Variants in EBF2 observed in about 807,000 individuals in gnomAD.
EBF2 encodes EBF transcription factor 2, also known as transcription factor COE2.
Under a neutral mutation model 72.8 loss-of-function variants are expected in EBF2, and 21 were observed. The observed-to-expected ratio is 0.29, with a 90% CI of 0.20 to 0.42. The LOEUF (loss-of-function observed/expected upper bound fraction) is 0.42, where lower values mean the gene tolerates loss of function less well. Among genes scored for constraint, EBF2 ranks in the 10% least tolerant of loss-of-function variants. The pLI, the probability that EBF2 is intolerant of heterozygous loss-of-function variation, is 1.00. For missense variants in EBF2, 637 were observed against 731.2 expected, an observed-to-expected ratio of 0.87 and a Z score of 1.49; for synonymous variants, 299 against 274.2, an observed-to-expected ratio of 1.09 and a Z score of -0.89.
chr8:25,866,601 TATA>T lies in EBF2; in HGVS notation c.1010-3807_1010-3805del, dbSNP rs1248379709. On this transcript the variant is annotated intron_variant, in intron 10 of 15. Coordinates refer to ENST00000520164, the MANE Select transcript of EBF2 (RefSeq NM_022659.4). ...ATATAATAATTTTTATATAATATAA[TATA>T]ATGTTTATATTATATTATATATATA... is the stretch of plus-strand genomic sequence containing the variant. Among the ~76,000 whole-genome samples, 26 of 141,460 alleles carry T rather than the reference TATA, an allele frequency of 1.8e-4. 1 individual carries two copies. The highest frequency in any genetic ancestry group is 1.3e-3 in the Admixed American group (18 of 13,538). 92.8% of individuals were successfully genotyped at this position (141,460 alleles called of 152,430 possible). A position where few individuals can be genotyped will look rare whatever the true frequency, so the allele number is the denominator to read the frequency against.
chr8:25,965,160 A>G (rs1049297565), intron 6 of EBF2, among the ~76,000 whole-genome samples: 1 of 152,182 alleles, frequency 6.6e-6, no homozygotes, highest in Non-Finnish European at 1.5e-5. Context: ...TAACCTTACT[A>G]TATTTTCATG....
At chr8:26,039,954 G>T in intron 5 of EBF2, 74 bp downstream of exon 5, 1 of 1,536,662 alleles carries the variant, frequency 6.5e-7, no homozygotes, top group South Asian at 1.1e-5. Flanking sequence ...TTAGTCCCGG[G>T]AACGCGGCGC....
intron 6 of EBF2, among the ~76,000 whole-genome samples, chr8:26,007,400 T>C (rs561632441): frequency 6.6e-6 from 1 of 152,306 alleles, no homozygotes; most frequent in East Asian, 1.9e-4. Flanking sequence ...GAGATGCAAT[T>C]TGTTTCATCA....
intron 6 of EBF2, among the ~76,000 whole-genome samples, chr8:25,935,866 G>A (rs896077840): frequency 1.9e-4 from 29 of 152,198 alleles, no homozygotes; most frequent in African/African-American, 6.8e-4. Context: ...CCTTAAAGAG[G>A]CACTAACCCT....
At chr8:25,927,079 C>A (rs1309314399) in intron 6 of EBF2, among the ~76,000 whole-genome samples, 1 of 152,084 alleles carries the variant, frequency 6.6e-6, no homozygotes. Context: ...AACTGGTTGA[C>A]TCTAAGTAGA....
At chr8:25,925,655 A>C (rs1012298954) in intron 6 of EBF2, among the ~76,000 whole-genome samples, 1 of 152,064 alleles carries the variant, frequency 6.6e-6, no homozygotes, top group African/African-American at 2.4e-5. Flanking sequence ...GGAACACAGA[A>C]TCACTCTTTG....
At chr8:26,032,234 C>A (rs1177895985) in intron 6 of EBF2, 1 of 152,174 alleles carries the variant, frequency 6.6e-6, no homozygotes, top group Non-Finnish European at 1.5e-5. Context: ...ACCAAGCTGG[C>A]TTTCTGGGAA....
At chr8:25,867,976 A>C (rs911231606) in intron 10 of EBF2, among the ~76,000 whole-genome samples, 2 of 152,228 alleles carry the variant, frequency 1.3e-5, no homozygotes, top group Non-Finnish European at 2.9e-5. Context: ...ACCGATCTAG[A>C]GTTCCCCTCC....
chr8:25,951,987 G>A, intron 6 of EBF2, among the ~76,000 whole-genome samples: 1 of 151,980 alleles, frequency 6.6e-6, no homozygotes, highest in East Asian at 1.9e-4. Flanking sequence ...GTTCAAAGGG[G>A]ACTCTGTTAA....
intron 14 of EBF2, among the ~76,000 whole-genome samples, chr8:25,853,443 C>G (rs1585258456): frequency 6.6e-6 from 1 of 151,966 alleles, no homozygotes; most frequent in Admixed American, 6.6e-5. Context: ...CAAACTGATT[C>G]ATAATAAAAT....
chr8:25,880,643 G>A (rs1173617590), intron 10 of EBF2, among the ~76,000 whole-genome samples: 1 of 151,958 alleles, frequency 6.6e-6, no homozygotes, highest in Non-Finnish European at 1.5e-5. Flanking sequence ...TTTAATTATT[G>A]AAACTTAAAA....
chr8:25,989,856 G>A (rs1466251044), intron 6 of EBF2, among the ~76,000 whole-genome samples: 4 of 152,112 alleles, frequency 2.6e-5, no homozygotes, highest in Non-Finnish European at 1.5e-5. Flanking sequence ...CAGCAGCAAG[G>A]CAGCCTCACC....
At chr8:25,942,165 G>A (rs1803685906) in intron 6 of EBF2, among the ~76,000 whole-genome samples, 1 of 152,178 alleles carries the variant, frequency 6.6e-6, no homozygotes, top group African/African-American at 2.4e-5. Flanking sequence ...AGCCCCATCT[G>A]GGAACATGCA....
At chr8:25,879,164 C>T (rs1716905394) in intron 10 of EBF2, among the ~76,000 whole-genome samples, 1 of 152,136 alleles carries the variant, frequency 6.6e-6, no homozygotes, top group Admixed American at 6.5e-5. Flanking sequence ...TATATCTAAA[C>T]ATTGGGTCAT....
At chr8:26,034,987 G>A (rs1313702148) in intron 5 of EBF2, among the ~76,000 whole-genome samples, 1 of 152,156 alleles carries the variant, frequency 6.6e-6, no homozygotes, top group East Asian at 1.9e-4. Context: ...TAAAGTGAAA[G>A]TGTTGGATTT....
Position 25,952,829 on chromosome 8 carries a change from G to C in EBF2, c.552-44274C>G, listed in dbSNP as rs115954031. 4.0e-3 allele frequency among the ~76,000 whole-genome samples: 606 copies of C among 152,174 alleles called. 3 individuals carry two copies. The highest frequency in any genetic ancestry group is 0.014 in the African/African-American group (567 of 41,520). On this transcript the variant is annotated intron_variant, in intron 6 of 15. Coordinates refer to ENST00000520164, the MANE Select transcript of EBF2 (RefSeq NM_022659.4). ...TGTACATATCAAATAACATAGCTTT[G>C]AACTATAGAATGAGGCTTTGGGGTT... is the stretch of plus-strand genomic sequence containing the variant.
chr8:26,041,480 G>A, intron 2 of EBF2: 1 of 179,244 alleles, frequency 5.6e-6, no homozygotes, highest in Admixed American at 5.4e-5. Flanking sequence ...GAGGGACTTT[G>A]GGAAGTGCCT....
chr8:26,023,363 A>T (rs560400598), intron 6 of EBF2, among the ~76,000 whole-genome samples: 42 of 152,290 alleles, frequency 2.8e-4, no homozygotes, highest in African/African-American at 9.9e-4. Context: ...TCCTTGACCC[A>T]TCCACTTCCT....
intron 6 of EBF2, chr8:26,032,171 T>C (rs539145007): frequency 2.6e-5 from 4 of 152,262 alleles, no homozygotes; most frequent in South Asian, 2.1e-4. Flanking sequence ...TAGGACAAGA[T>C]CAGAATTCCA....
Sources: allele counts gnomAD v4.1 joint callset (sites outside exome capture counted in the v4.1 genomes callset), GRCh38; gene constraint gnomAD v4.1.1; transcripts MANE v1.5; gene names NCBI Gene and HGNC (gene_info 2026-07-23, HGNC 2026-07-21).